THSD7B: variants seen among roughly 807,000 people sequenced by gnomAD.
THSD7B encodes thrombospondin type-1 domain-containing protein 7B.
In THSD7B, 138 loss-of-function variants were observed where a neutral mutation model predicts 213.6. The observed-to-expected ratio is 0.65, with a 90% CI of 0.56 to 0.74. The LOEUF is 0.74. THSD7B is among the 30% of genes least tolerant of loss of function. The pLI, the probability that THSD7B is intolerant of heterozygous loss-of-function variation, is 0.00. For missense variants in THSD7B, 1,931 were observed against 1,991.5 expected (o/e 0.97, Z 0.58); for synonymous variants, 742 against 687.0 (o/e 1.08, Z -1.25).
At chr2:137,332,475 A>G (rs544050134) in intron 12 of THSD7B, among the ~76,000 whole-genome samples, 1 of 152,076 alleles carries the variant, frequency 6.6e-6, no homozygotes, top group East Asian at 1.9e-4. Flanking sequence ...GGTGGAAAGG[A>G]TTTGCTTTGT....
chr2:137,288,288 C>A (rs943051702), intron 12 of THSD7B, among the ~76,000 whole-genome samples: 1 of 152,036 alleles, frequency 6.6e-6, no homozygotes, highest in Non-Finnish European at 1.5e-5. Context: ...TTATGCCAAC[C>A]ATGTCATGAA....
intron 1 of THSD7B, among the ~76,000 whole-genome samples, chr2:136,859,868 G>A (rs888932332): frequency 9.1e-4 from 138 of 152,226 alleles, no homozygotes; most frequent in African/African-American, 3.1e-3. Flanking sequence ...TGGAATGAGC[G>A]CAGGACTGAC....
At chr2:137,590,478 T>C (rs1044901575) in intron 17 of THSD7B, among the ~76,000 whole-genome samples, 1 of 152,192 alleles carries the variant, frequency 6.6e-6, no homozygotes, top group Non-Finnish European at 1.5e-5. Context: ...TTAGACTTTC[T>C]TGATTGAATA....
intron 20 of THSD7B, among the ~76,000 whole-genome samples, chr2:137,621,939 C>T (rs898781954): frequency 4.6e-5 from 7 of 152,036 alleles, no homozygotes; most frequent in Non-Finnish European, 7.4e-5. Flanking sequence ...GAGATCACAT[C>T]GTGAAAGAGG....
intron 19 of THSD7B, 41 bp from the exon 20 acceptor site, chr2:137,620,568 G>C (rs1196895374): frequency 4.7e-6 from 7 of 1,495,162 alleles, no homozygotes; most frequent in Non-Finnish European, 6.5e-6. Flanking sequence ...TGACTAAAGA[G>C]TGATTTCTCC....
At chr2:136,846,909 A>G (rs1237976947) in intron 1 of THSD7B, among the ~76,000 whole-genome samples, 1 of 152,188 alleles carries the variant, frequency 6.6e-6, no homozygotes, top group Non-Finnish European at 1.5e-5. Flanking sequence ...TTCATCTTTT[A>G]TATATTCTCC....
At chr2:136,943,424 T>G (rs1238531175) in intron 2 of THSD7B, among the ~76,000 whole-genome samples, 1 of 152,222 alleles carries the variant, frequency 6.6e-6, no homozygotes, top group Non-Finnish European at 1.5e-5. Flanking sequence ...TTCCCTCTTT[T>G]TCTATTAATT....
intron 7 of THSD7B, among the ~76,000 whole-genome samples, chr2:137,183,907 G>A (rs982721071): frequency 1.6e-4 from 25 of 152,122 alleles, no homozygotes; most frequent in Non-Finnish European, 1.5e-5. Flanking sequence ...CATACAATAA[G>A]GATGAAAAAT....
At chr2:137,326,822 C>G (rs556451037) in intron 12 of THSD7B, among the ~76,000 whole-genome samples, 12 of 152,310 alleles carry the variant, frequency 7.9e-5, no homozygotes, top group South Asian at 6.2e-4. Flanking sequence ...AGCAAGCACA[C>G]TAGCACAGAT....
At chr2:137,218,017 A>G (rs6430694) in intron 7 of THSD7B, among the ~76,000 whole-genome samples, 1 of 152,104 alleles carries the variant, frequency 6.6e-6, no homozygotes, top group Non-Finnish European at 1.5e-5. Context: ...AGTAGGCCAG[A>G]TAGAATAAGA....
intron 1 of THSD7B, among the ~76,000 whole-genome samples, chr2:136,860,394 T>G (rs1683241536): frequency 6.6e-6 from 1 of 152,174 alleles, no homozygotes. Context: ...TCCAGGCTTG[T>G]GTACAGTTTC....
At chr2:137,484,180 C>T (rs1688373701) in intron 15 of THSD7B, among the ~76,000 whole-genome samples, 1 of 139,062 alleles carries the variant, frequency 7.2e-6, no homozygotes, top group Non-Finnish European at 1.5e-5. Context: ...CTCCCCCCAC[C>T]ACACAACAGT....
intron 2 of THSD7B, among the ~76,000 whole-genome samples, chr2:136,937,498 C>T (rs1185068734): frequency 2.6e-5 from 4 of 152,062 alleles, no homozygotes; most frequent in Non-Finnish European, 5.9e-5. Context: ...AAGCCTTCTG[C>T]TGTTTTAAAC....
chr2:137,189,162 C>T (rs1427123542), intron 7 of THSD7B, among the ~76,000 whole-genome samples: 1 of 152,176 alleles, frequency 6.6e-6, no homozygotes, highest in Non-Finnish European at 1.5e-5. Context: ...GTTCCCACTT[C>T]CCTGGCTGCT....
At chr2:137,498,983 C>T (rs1679639018) in intron 15 of THSD7B, among the ~76,000 whole-genome samples, 1 of 152,132 alleles carries the variant, frequency 6.6e-6, no homozygotes, top group African/African-American at 2.4e-5. Flanking sequence ...TACTGAGTCT[C>T]CCTCAGGAAG....
At chr2:137,101,130 G>T (rs923795024) in intron 4 of THSD7B, among the ~76,000 whole-genome samples, 14 of 152,066 alleles carry the variant, frequency 9.2e-5, no homozygotes, top group African/African-American at 3.1e-4. Context: ...CTGCCTCCTG[G>T]GTTCTGAGGT....
chr2:136,873,877 C>T (rs1683484161), intron 1 of THSD7B, among the ~76,000 whole-genome samples: 1 of 152,124 alleles, frequency 6.6e-6, no homozygotes, highest in African/African-American at 2.4e-5. Flanking sequence ...TGCCAGGGTT[C>T]ACAAGGCATG....
intron 5 of THSD7B, among the ~76,000 whole-genome samples, chr2:137,118,079 A>G (rs901873756): frequency 6.6e-6 from 1 of 152,242 alleles, no homozygotes; most frequent in Non-Finnish European, 1.5e-5. Flanking sequence ...ATGTATTACC[A>G]GTAATATTAG....
intron 12 of THSD7B, among the ~76,000 whole-genome samples, chr2:137,330,433 G>A (rs1031362473): frequency 8.5e-5 from 13 of 152,218 alleles, no homozygotes; most frequent in African/African-American, 3.1e-4. Context: ...CTGACTTCAA[G>A]AATGAAGCCG....
Sources: allele counts gnomAD v4.1 joint callset (sites outside exome capture counted in the v4.1 genomes callset), GRCh38; gene constraint gnomAD v4.1.1; transcripts MANE v1.5; gene names NCBI Gene and HGNC (gene_info 2026-07-23, HGNC 2026-07-21).